The following STOX2 variants were observed in gnomAD, a reference collection of about 807,000 sequenced individuals.
STOX2 encodes the protein storkhead-box protein 2.
Under a neutral mutation model 60.9 loss-of-function variants are expected in STOX2, and 28 were observed. That is an observed-to-expected ratio of 0.46 (90% CI 0.34 to 0.63). The LOEUF (loss-of-function observed/expected upper bound fraction) is 0.63, where lower values mean the gene tolerates loss of function less well. STOX2 is among the 30% of genes least tolerant of loss of function. The probability of loss-of-function intolerance (pLI) is 0.01; values close to 1 mark genes in which losing one functional copy is unlikely to be tolerated. For synonymous variants in STOX2, 472 were observed against 463.9 expected, an observed-to-expected ratio of 1.02 and a Z score of -0.22; for missense variants, 1,024 against 1,187.7, an observed-to-expected ratio of 0.86 and a Z score of 2.03.
chr4:183,945,659 C>T (rs557879675), intron 1 of STOX2, among the ~76,000 whole-genome samples: 2 of 152,244 alleles, frequency 1.3e-5, no homozygotes, highest in African/African-American at 4.8e-5. Flanking sequence ...TGAGGGATTA[C>T]GAATGTTGCA....
chr4:183,802,838 G>T (rs1015576515), intron 1 of STOX2, among the ~76,000 whole-genome samples: 1 of 152,164 alleles, frequency 6.6e-6, no homozygotes, highest in Non-Finnish European at 1.5e-5. Flanking sequence ...AGCCGTGATG[G>T]TCTCGATCTC....
chr4:183,839,985 C>G (rs1739816314), intron 1 of STOX2, among the ~76,000 whole-genome samples: 1 of 152,004 alleles, frequency 6.6e-6, no homozygotes, highest in African/African-American at 2.4e-5. Flanking sequence ...AACACAAAGG[C>G]CTGTGGTCTG....
chr4:183,830,701 A>G (rs73870911), intron 1 of STOX2, among the ~76,000 whole-genome samples: 1 of 152,188 alleles, frequency 6.6e-6, no homozygotes, highest in Non-Finnish European at 1.5e-5. Flanking sequence ...ACCTTTCATC[A>G]TAGGCCAATG....
Position 184,001,589 on chromosome 4 carries a change from C to T in STOX2, c.319+112C>T. On this transcript the variant is annotated intron_variant, in intron 2 of 3. Coordinates refer to ENST00000308497, the MANE Select transcript of STOX2 (RefSeq NM_020225.3). This position sits in a 1 kb window ranked among gnomAD's most constrained non-coding sequence, Gnocchi z 4.2. The stretch of plus-strand genomic sequence containing the variant: ...AAGAGAATAGGAAAACATTCTTCCC[C>T]AAAACTGACCCGAAGCTTTCCTTAC... 2 of 1,021,464 alleles carry T rather than the reference C, an allele frequency of 2.0e-6. No individual in the cohort carries two copies. The highest frequency in any genetic ancestry group is 2.7e-6 in the Non-Finnish European group (2 of 744,316). The allele number at this position is 1,021,464 out of a possible 1,614,324, so 63.3% of individuals were successfully genotyped here. A position where few individuals can be genotyped will look rare whatever the true frequency, so the allele number is the denominator to read the frequency against.
intron 1 of STOX2, among the ~76,000 whole-genome samples, chr4:183,844,287 G>A (rs529507384): frequency 1.3e-5 from 2 of 152,092 alleles, no homozygotes; most frequent in African/African-American, 4.8e-5. Flanking sequence ...AGCAACAATT[G>A]TTTTCCTAGA....
chr4:184,008,475 A>G (rs1733977288), intron 2 of STOX2, among the ~76,000 whole-genome samples: 1 of 152,066 alleles, frequency 6.6e-6, no homozygotes, highest in African/African-American at 2.4e-5. Flanking sequence ...CTTTGGTTAG[A>G]AATTAGAAAA....
chr4:183,842,688 T>C (rs1293758380), intron 1 of STOX2, among the ~76,000 whole-genome samples: 1 of 152,238 alleles, frequency 6.6e-6, no homozygotes, highest in African/African-American at 2.4e-5. Flanking sequence ...GACATAGTGC[T>C]CAGCAAATAG....
intron 1 of STOX2, among the ~76,000 whole-genome samples, chr4:183,808,828 C>G (rs2111098519): frequency 6.6e-6 from 1 of 152,148 alleles, no homozygotes; most frequent in South Asian, 2.1e-4. Flanking sequence ...CCCTGGGCCA[C>G]ATAGGAAGAA....
At chr4:183,873,909 G>A (rs962701305) in intron 1 of STOX2, among the ~76,000 whole-genome samples, 1 of 152,176 alleles carries the variant, frequency 6.6e-6, no homozygotes, top group Non-Finnish European at 1.5e-5. Flanking sequence ...ACTCTGAAAC[G>A]ACACCTCCAA....
intron 1 of STOX2, among the ~76,000 whole-genome samples, chr4:183,873,273 C>T (rs1225292460): frequency 6.6e-6 from 1 of 152,018 alleles, no homozygotes; most frequent in Non-Finnish European, 1.5e-5. Flanking sequence ...CATGGAGAAA[C>T]GCCGTCTCTA....
chr4:183,807,072 A>G lies in STOX2; in HGVS notation c.364+9017A>G, dbSNP rs565183515. Among the ~76,000 whole-genome samples the G allele has an allele frequency of 3.9e-5, 6 of 152,000 alleles. No individual in the cohort carries two copies. In the East Asian group the frequency reaches 5.8e-4, roughly 15 times the overall value. On this transcript the variant is annotated intron_variant, in intron 1 of 2. Transcript: ENST00000513034. ...ACTGCAAGCTCCGTCTCCCGGGTTC[A>G]CGCCATTCTCCTGCTTCAGCCTCCC...
intron 1 of STOX2, among the ~76,000 whole-genome samples, chr4:183,918,428 C>T (rs1741993375): frequency 6.6e-6 from 1 of 152,202 alleles, no homozygotes; most frequent in Non-Finnish European, 1.5e-5. Context: ...TCAGACATAG[C>T]TTACTCTGAG....
chr4:183,953,943 G>A lies in STOX2; in HGVS notation c.166+46987G>A, dbSNP rs531490450. On this transcript the variant is annotated intron_variant, in intron 1 of 3. Coordinates refer to ENST00000308497, the MANE Select transcript of STOX2 (RefSeq NM_020225.3). ...AGCTGGTGTGTGAGGGAGCCGGAAA[G>A]TGGTTCTGAATAGATGTATGCGACA... Among the ~76,000 whole-genome samples the A allele has an allele frequency of 2.6e-5, 4 of 152,284 alleles. No individual in the cohort carries two copies. The South Asian group carries it at 6.2e-4, about 24-fold the overall frequency.
Position 184,011,731 on chromosome 4 carries a change from G to A in STOX2, c.2585+308G>A, listed in dbSNP as rs1027467171. The A allele has an allele frequency of 4.5e-6, 4 of 897,530 alleles. No homozygotes were observed. Among genetic ancestry groups the A allele is most frequent in the Non-Finnish European group, 6.1e-6 (4 of 656,992 alleles). The allele number at this position is 897,530 out of a possible 1,614,324, so 55.6% of individuals were successfully genotyped here. A position where few individuals can be genotyped will look rare whatever the true frequency, so the allele number is the denominator to read the frequency against. ...CTGCTACGTTCATATTGCCACCCAT[G>A]CTAAGAGAAGGATGTTTTTTAAGTC... On this transcript the variant is annotated intron_variant, in intron 3 of 3. Coordinates refer to ENST00000308497, the MANE Select transcript of STOX2 (RefSeq NM_020225.3). This position sits in a 1 kb window ranked among gnomAD's most constrained non-coding sequence, Gnocchi z 4.4.
In STOX2 at chr4:183,836,966, T is replaced by A. The variant is rs1739726794; in HGVS notation, c.364+38911T>A. 6.6e-6 allele frequency among the ~76,000 whole-genome samples: 1 copy of A among 152,236 alleles called. No homozygotes were observed. The highest frequency in any genetic ancestry group is 2.4e-5 in the African/African-American group (1 of 41,464). On this transcript the variant is annotated intron_variant, in intron 1 of 2. Transcript: ENST00000513034. The surrounding 1 kb of genome is among the most constrained non-coding windows in gnomAD (Gnocchi z 4.1). ...TTCCTACTGTGTGCCAGTATTGTACTGTGTGCTGCTTATACAGGATTAATT... is the reference window on the plus strand; with the variant it reads ...TTCCTACTGTGTGCCAGTATTGTACAGTGTGCTGCTTATACAGGATTAATT...
intron 1 of STOX2, among the ~76,000 whole-genome samples, chr4:183,918,482 C>A (rs1293406889): frequency 6.6e-6 from 1 of 152,210 alleles, no homozygotes; most frequent in Non-Finnish European, 1.5e-5. Context: ...GAGAAAACTC[C>A]GCTTCTGAGC....
At chr4:184,015,241 TG>T (rs769439975) in intron 3 of STOX2, 1 of 152,208 alleles carries the variant, frequency 6.6e-6, no homozygotes, top group Non-Finnish European at 1.5e-5. Flanking sequence ...TTGAAATCTT[TG>T]GGGTTTTGCA....
intron 1 of STOX2, among the ~76,000 whole-genome samples, chr4:183,832,755 G>T (rs1739603077): frequency 6.6e-6 from 1 of 152,174 alleles, no homozygotes. Context: ...CTCCCAAAGT[G>T]CTGGGATTAG....
At chr4:184,005,293 C>G (rs181595453) in intron 2 of STOX2, among the ~76,000 whole-genome samples, 9 of 152,032 alleles carry the variant, frequency 5.9e-5, no homozygotes, top group Admixed American at 5.9e-4. Flanking sequence ...AACCTTGTCT[C>G]TACTAAAAAA....
Sources: gnomAD v4.1 joint callset for allele counts (sites outside exome capture counted in the v4.1 genomes callset) on GRCh38, gnomAD v4.1.1 for gene constraint, Gnocchi (gnomAD v3.1) non-coding constraint, MANE v1.5 for transcripts, NCBI Gene and HGNC (gene_info 2026-07-23, HGNC 2026-07-21) for gene names.